Variants in CUL4A observed in about 807,000 individuals in gnomAD.
The protein encoded by CUL4A is cullin-4A.
CUL4A carries 16 observed loss-of-function variants against 95.5 expected under a neutral mutation model. The observed-to-expected ratio is 0.17, with a 90% CI of 0.11 to 0.25. The LOEUF is 0.25. Among genes scored for constraint, CUL4A ranks in the 10% least tolerant of loss-of-function variants. CUL4A has a pLI of 1.00. For missense variants in CUL4A, 610 were observed against 937.0 expected, an observed-to-expected ratio of 0.65 and a Z score of 4.56; for synonymous variants, 380 against 353.1, an observed-to-expected ratio of 1.08 and a Z score of -0.85.
intron 4 of CUL4A, among the ~76,000 whole-genome samples, chr13:113,228,921 C>T (rs2041207058): frequency 6.6e-6 from 1 of 151,710 alleles, no homozygotes; most frequent in South Asian, 2.1e-4. Context: ...GAGATCGAGA[C>T]CATCCTGGCT....
chr13:113,246,472 G>A (rs759548030), intron 15 of CUL4A, among the ~76,000 whole-genome samples: 6 of 152,190 alleles, frequency 3.9e-5, no homozygotes, highest in Non-Finnish European at 8.8e-5. Context: ...TTTGCACGCC[G>A]GAGGTAGAAT....
chr13:113,223,415 A>T (rs2040975890), intron 3 of CUL4A, among the ~76,000 whole-genome samples: 1 of 152,214 alleles, frequency 6.6e-6, no homozygotes, highest in East Asian at 1.9e-4. Context: ...TTGTTTTGAG[A>T]CGGAGTTTCG....
intron 2 of CUL4A, among the ~76,000 whole-genome samples, chr13:113,215,366 C>T (rs769865133): frequency 5.3e-5 from 7 of 131,648 alleles, no homozygotes; most frequent in Non-Finnish European, 7.9e-5. Context: ...CCATGGAGGT[C>T]ACGTCGCATG....
At chr13:113,244,549 C>T in intron 12 of CUL4A, 35 bp downstream of exon 12, 1 of 1,497,052 alleles carries the variant, frequency 6.7e-7, no homozygotes. Flanking sequence ...GCTGCATAAT[C>T]AAGAGGTGTA....
intron 15 of CUL4A, 52 bp downstream of exon 15, chr13:113,246,115 GCA>G: frequency 7.4e-7 from 1 of 1,354,592 alleles, no homozygotes; most frequent in South Asian, 1.2e-5. Flanking sequence ...CCCTTACCAG[GCA>G]CAGATATGTT....
At chr13:113,217,409 A>G (rs767309045) in intron 2 of CUL4A, among the ~76,000 whole-genome samples, 1 of 152,250 alleles carries the variant, frequency 6.6e-6, no homozygotes, top group African/African-American at 2.4e-5. Context: ...GACAAAATGT[A>G]GGGGGAAAGT....
rs565809743 is a variant in CUL4A at position 113,235,348 on chromosome 13, G to A, written c.848+203G>A. Among the ~76,000 whole-genome samples, 24 of 152,312 alleles carry A rather than the reference G, an allele frequency of 1.6e-4. No individual in the cohort carries two copies. In the South Asian group the frequency reaches 3.9e-3, roughly 25 times the overall value. ...TACCCAGTGCCTTGTCATGAGTTAC[G>A]TCTAAAGAGAGTAAATCTTGCTGAG... On this transcript the variant is annotated intron_variant, in intron 8 of 19. Coordinates refer to ENST00000375440, the MANE Select transcript of CUL4A (RefSeq NM_001008895.4).
upstream of CUL4A, chr13:113,208,705 T>C (rs2040162810): frequency 5.9e-6 from 9 of 1,538,218 alleles, no homozygotes; most frequent in Non-Finnish European, 4.4e-6. Flanking sequence ...CTTCCGGCCC[T>C]CGGTCCGTCT....
chr13:113,210,112 GA>G, intron 2 of CUL4A, 24 bp downstream of exon 2: 6 of 1,452,980 alleles, frequency 4.1e-6, no homozygotes, highest in Non-Finnish European at 5.5e-6. Context: ...CGGGGCTGGG[GA>G]CGCCGCTCCT....
intron 9 of CUL4A, among the ~76,000 whole-genome samples, chr13:113,237,134 G>C (rs979005651): frequency 1.3e-5 from 2 of 152,158 alleles, no homozygotes; most frequent in African/African-American, 4.8e-5. Flanking sequence ...AGGAAGGCCC[G>C]GCAGACCTTC....
At chr13:113,251,107 CAGAG>C (rs1386497729) in intron 15 of CUL4A, among the ~76,000 whole-genome samples, 9 of 152,168 alleles carry the variant, frequency 5.9e-5, no homozygotes, top group Non-Finnish European at 1.3e-4. Flanking sequence ...AATGGGGAGT[CAGAG>C]AGCCAGAGGC....
chr13:113,234,956 A>T, intron 7 of CUL4A, 107 bp from the exon 8 acceptor site: 1 of 781,444 alleles, frequency 1.3e-6, no homozygotes, highest in Non-Finnish European at 2.1e-6. Context: ...TTGAATATGT[A>T]TTCTGCTTTT....
At chr13:113,211,487 C>T (rs1486675689) in intron 2 of CUL4A, among the ~76,000 whole-genome samples, 2 of 152,194 alleles carry the variant, frequency 1.3e-5, no homozygotes, top group African/African-American at 2.4e-5. Context: ...CAGGTTCAAG[C>T]GATTCTCCTG....
intron 4 of CUL4A, 140 bp from the exon 5 acceptor site, chr13:113,229,306 A>G (rs2041224407): frequency 1.5e-6 from 1 of 678,220 alleles, no homozygotes; most frequent in African/African-American, 1.8e-5. Context: ...ACTTTAGAAA[A>G]AAAAAATAAA....
intron 2 of CUL4A, among the ~76,000 whole-genome samples, chr13:113,210,799 CTTTT>C (rs66928505): frequency 2.0e-5 from 3 of 151,966 alleles, no homozygotes; most frequent in Admixed American, 1.3e-4. Context: ...ATTAAAAAAA[CTTTT>C]TTTCTGGATA....
chr13:113,241,737 A>C (rs955664888), intron 10 of CUL4A, among the ~76,000 whole-genome samples: 3 of 151,466 alleles, frequency 2.0e-5, no homozygotes, highest in African/African-American at 7.3e-5. Flanking sequence ...TGGTCTTGGA[A>C]CTCCAGACCT....
At position 113,267,068 on chromosome 13, in the gene CUL4A, T is replaced by C. The variant is rs923033747; in HGVS notation, c.*3486T>C. 7 of 152,136 alleles carry C rather than the reference T, an allele frequency of 4.6e-5. No homozygotes were observed. Among genetic ancestry groups the C allele is most frequent in the African/African-American group, 1.7e-4 (7 of 41,440 alleles). 9.4% of individuals were successfully genotyped at this position (152,136 alleles called of 1,614,324 possible). A position where few individuals can be genotyped will look rare whatever the true frequency, so the allele number is the denominator to read the frequency against. On this transcript the variant is annotated 3_prime_UTR_variant, in exon 20 of 20. Coordinates refer to ENST00000375440, the MANE Select transcript of CUL4A (RefSeq NM_001008895.4). ...TGACTGTATTCACCATGCTGTACAA[T>C]AGAACTCAGAAAAAGAAAAATATAG...
At chr13:113,229,714 C>A in intron 5 of CUL4A, 195 bp downstream of exon 5, 1 of 558,054 alleles carries the variant, frequency 1.8e-6, no homozygotes. Flanking sequence ...TAGCCAGCAG[C>A]AAGGAGTGGA....
At chr13:113,235,986 A>G (rs934056590) in intron 8 of CUL4A, among the ~76,000 whole-genome samples, 16 of 150,746 alleles carry the variant, frequency 1.1e-4, no homozygotes, top group African/African-American at 3.9e-4. Flanking sequence ...AAAAAAAAAA[A>G]GAAAATGATA....
Sources: allele counts gnomAD v4.1 joint callset (sites outside exome capture counted in the v4.1 genomes callset), GRCh38; gene constraint gnomAD v4.1.1; transcripts MANE v1.5; gene names NCBI Gene and HGNC (gene_info 2026-07-23, HGNC 2026-07-21).